Variants in LUC7L2 observed in about 807,000 individuals in gnomAD.
The protein encoded by LUC7L2 is putative RNA-binding protein Luc7-like 2.
Under a neutral mutation model 52.8 loss-of-function variants are expected in LUC7L2, and 25 were observed. That is an observed-to-expected ratio of 0.47 (90% CI 0.34 to 0.66). LUC7L2 has a LOEUF of 0.66. Among genes scored for constraint, LUC7L2 ranks in the 30% least tolerant of loss-of-function variants. LUC7L2 has a pLI of 0.01. For missense variants in LUC7L2, 328 were observed against 497.8 expected, an observed-to-expected ratio of 0.66 and a Z score of 3.25; for synonymous variants, 144 against 160.9, an observed-to-expected ratio of 0.89 and a Z score of 0.80.
In LUC7L2 at chr7:139,422,421, C is replaced by T; in HGVS notation, c.*81C>T. The T allele has an allele frequency of 2.0e-6, 3 of 1,512,626 alleles. No homozygotes were observed. The highest frequency in any genetic ancestry group is 2.6e-6 in the Non-Finnish European group (3 of 1,132,582). The allele number at this position is 1,512,626 out of a possible 1,614,324, so 93.7% of individuals were successfully genotyped here. A position where few individuals can be genotyped will look rare whatever the true frequency, so the allele number is the denominator to read the frequency against. ...TTTAGTTCACAGCTGTTCAGGGTGA[C>T]AGTGAGCAGATCCAGACACCAGATC... is the stretch of plus-strand genomic sequence containing the variant. On this transcript the variant is annotated 3_prime_UTR_variant, in exon 10 of 10. Coordinates refer to ENST00000354926, the MANE Select transcript of LUC7L2 (RefSeq NM_016019.5).
chr7:139,374,002 TC>T (rs1376255596), intron 1 of LUC7L2, among the ~76,000 whole-genome samples: 1 of 152,260 alleles, frequency 6.6e-6, no homozygotes, highest in East Asian at 1.9e-4. Flanking sequence ...GAAATTTTTT[TC>T]TTAAATGGTA....
intron 9 of LUC7L2, among the ~76,000 whole-genome samples, chr7:139,421,098 G>A (rs1795884611): frequency 6.6e-6 from 1 of 152,196 alleles, no homozygotes; most frequent in Admixed American, 6.5e-5. Context: ...ACCGTGCCCA[G>A]TCTTTTTATA....
chr7:139,344,729 G>T (rs1799185939), intron 1 of LUC7L2, among the ~76,000 whole-genome samples: 1 of 124,706 alleles, frequency 8.0e-6, no homozygotes, highest in African/African-American at 3.1e-5. Context: ...TTGAGATGGA[G>T]TCTCCTTCTG....
intron 3 of LUC7L2, among the ~76,000 whole-genome samples, chr7:139,400,485 G>A (rs562568527): frequency 2.7e-4 from 41 of 152,226 alleles, no homozygotes; most frequent in South Asian, 1.9e-3. Context: ...CCAGCTTGGG[G>A]GACAGAGCGA....
upstream of LUC7L2, among the ~76,000 whole-genome samples, chr7:139,357,415 T>C (rs1349036521): frequency 6.6e-6 from 1 of 152,158 alleles, no homozygotes. Flanking sequence ...TATATGCTGT[T>C]TATAAGACAT....
chr7:139,389,970 C>T (rs1251361332), intron 2 of LUC7L2, among the ~76,000 whole-genome samples: 1 of 152,108 alleles, frequency 6.6e-6, no homozygotes. Context: ...GAGTTACCAG[C>T]CTGGACAACA....
intron 3 of LUC7L2, among the ~76,000 whole-genome samples, chr7:139,400,802 A>C (rs1047392018): frequency 6.6e-6 from 1 of 152,188 alleles, no homozygotes; most frequent in African/African-American, 2.4e-5. Flanking sequence ...AAATTTGAAT[A>C]GATTTCTGTT....
chr7:139,423,289 A>G lies in LUC7L2; in HGVS notation c.*949A>G. 5.0e-6 allele frequency: 2 copies of G among 399,090 alleles called. No homozygotes were observed. Among genetic ancestry groups the G allele is most frequent in the Non-Finnish European group, 8.8e-6 (2 of 226,086 alleles). 24.7% of individuals were successfully genotyped at this position (399,090 alleles called of 1,614,324 possible). A position where few individuals can be genotyped will look rare whatever the true frequency, so the allele number is the denominator to read the frequency against. The stretch of plus-strand genomic sequence containing the variant: ...CCAAAGGACATAAATACGTACTTGC[A>G]AAGATTCCAGATGAGCTGTTCATGT... On this transcript the variant is annotated 3_prime_UTR_variant, in exon 10 of 10. Coordinates refer to ENST00000354926, the MANE Select transcript of LUC7L2 (RefSeq NM_016019.5).
chr7:139,412,548 T>A lies in LUC7L2; in HGVS notation c.780-3T>A, dbSNP rs77283361. The A allele has an allele frequency of 3.1e-6, 5 of 1,602,248 alleles. No individual in the cohort carries two copies. The African/African-American group carries it at 5.4e-5, about 17-fold the overall frequency. ...TCTAAAAATACATATTTTTTTTTTT[T>A]AGGTCCCGATCACACAGCAAGAATC... On this transcript the variant is annotated splice_polypyrimidine_tract_variant and splice_region_variant and intron_variant, in intron 7 of 9. Coordinates refer to ENST00000354926, the MANE Select transcript of LUC7L2 (RefSeq NM_016019.5).
upstream of LUC7L2, among the ~76,000 whole-genome samples, chr7:139,356,739 G>A (rs949381781): frequency 2.0e-5 from 3 of 151,954 alleles, no homozygotes; most frequent in Admixed American, 1.3e-4. Context: ...GTAAATGAAC[G>A]AGCCTGGCAG....
intron 7 of LUC7L2, among the ~76,000 whole-genome samples, chr7:139,409,962 C>T (rs1238611063): frequency 6.6e-6 from 1 of 152,174 alleles, no homozygotes; most frequent in Non-Finnish European, 1.5e-5. Flanking sequence ...AATTCCAGCA[C>T]TTTGGGAGGC....
intron 4 of LUC7L2, among the ~76,000 whole-genome samples, chr7:139,404,526 C>T (rs946491463): frequency 6.6e-6 from 1 of 152,190 alleles, no homozygotes; most frequent in Middle Eastern, 3.4e-3. Context: ...ACAATAACAA[C>T]AAAAAATTAA....
chr7:139,388,997 TAAG>T (rs1402089769), intron 2 of LUC7L2, among the ~76,000 whole-genome samples: 1 of 152,120 alleles, frequency 6.6e-6, no homozygotes. Flanking sequence ...TCCATATTTG[TAAG>T]AAGGTGTGAT....
chr7:139,421,394 A>G (rs1286422654), intron 9 of LUC7L2, among the ~76,000 whole-genome samples: 1 of 152,206 alleles, frequency 6.6e-6, no homozygotes, highest in African/African-American at 2.4e-5. Context: ...TTCCATGTTT[A>G]TTCTGATTCC....
At chr7:139,352,134 G>A (rs1462728263) in intron 1 of LUC7L2, among the ~76,000 whole-genome samples, 1 of 152,146 alleles carries the variant, frequency 6.6e-6, no homozygotes, top group Non-Finnish European at 1.5e-5. Flanking sequence ...ATTAGAGGCT[G>A]CAGTGAGCTA....
chr7:139,354,425 G>C (rs1274273430), intron 1 of LUC7L2, among the ~76,000 whole-genome samples: 1 of 152,122 alleles, frequency 6.6e-6, no homozygotes, highest in Non-Finnish European at 1.5e-5. Context: ...GCAGTGGCAC[G>C]ATCTTGGCTC....
chr7:139,359,679 T>C (rs1799751908), upstream of LUC7L2: 1 of 397,838 alleles, frequency 2.5e-6, no homozygotes, highest in Non-Finnish European at 4.4e-6. Context: ...GAATGTAATG[T>C]AAGGTTTGGC....
At chr7:139,407,100 C>T (rs1189273802) in intron 5 of LUC7L2, 74 bp from the exon 6 acceptor site, 4 of 1,387,398 alleles carry the variant, frequency 2.9e-6, no homozygotes, top group Non-Finnish European at 3.8e-6. Flanking sequence ...TTGGTATAAG[C>T]ATAGTATATT....
In LUC7L2 at chr7:139,422,373, TC is replaced by T; in HGVS notation, c.*35del. 1.9e-6 allele frequency: 3 copies of T among 1,581,648 alleles called. No homozygotes were observed. Among genetic ancestry groups the T allele is most frequent in the Non-Finnish European group, 2.6e-6 (3 of 1,166,286 alleles). On this transcript the variant is annotated 3_prime_UTR_variant, in exon 10 of 10. Coordinates refer to ENST00000354926, the MANE Select transcript of LUC7L2 (RefSeq NM_016019.5). ...TGTACATTTCTTCAGTCCTTAAGCT[TC>T]CTACGGAGTTACGTACTATTGTTTA...
Sources: allele counts gnomAD v4.1 joint callset (sites outside exome capture counted in the v4.1 genomes callset), GRCh38; gene constraint gnomAD v4.1.1; transcripts MANE v1.5; gene names NCBI Gene and HGNC (gene_info 2026-07-23, HGNC 2026-07-21).